TSPAN11: variants seen among roughly 807,000 people sequenced by gnomAD.
TSPAN11 encodes the protein tetraspanin 11.
A neutral mutation model predicts 32.9 loss-of-function variants in TSPAN11; 29 were observed. The observed-to-expected ratio is 0.88, with a 90% confidence interval of 0.66 to 1.20. The LOEUF (loss-of-function observed/expected upper bound fraction) is 1.20, where lower values mean the gene tolerates loss of function less well. Ranked by LOEUF, TSPAN11 falls within the 50% of genes most tolerant of loss-of-function variation. TSPAN11 has a pLI of 0.00. For synonymous variants in TSPAN11, 140 were observed against 141.3 expected (o/e 0.99, Z 0.07); for missense variants, 283 against 329.1 (o/e 0.86, Z 1.08).
At chr12:30,945,787 A>G (rs2140278545) in intron 1 of TSPAN11, among the ~76,000 whole-genome samples, 1 of 151,902 alleles carries the variant, frequency 6.6e-6, no homozygotes, top group East Asian at 1.9e-4. Flanking sequence ...CTCACCATCA[A>G]GGCATTTGCG....
At chr12:30,981,267 G>A (rs1939086347) in intron 5 of TSPAN11, among the ~76,000 whole-genome samples, 1 of 152,226 alleles carries the variant, frequency 6.6e-6, no homozygotes, top group African/African-American at 2.4e-5. Context: ...CCAGCACCCG[G>A]CCCTCCAGCA....
intron 1 of TSPAN11, among the ~76,000 whole-genome samples, chr12:30,940,127 T>G (rs541973046): frequency 3.3e-5 from 5 of 152,316 alleles, no homozygotes; most frequent in African/African-American, 1.2e-4. Flanking sequence ...CAGAAATGCA[T>G]CCTGCACGTT....
chr12:30,933,547 C>T (rs1240415081), intron 1 of TSPAN11, among the ~76,000 whole-genome samples: 1 of 152,168 alleles, frequency 6.6e-6, no homozygotes, highest in Non-Finnish European at 1.5e-5. Context: ...CTACCTCTGC[C>T]CAGGATGGTG....
chr12:30,991,845 C>G lies in TSPAN11; in HGVS notation c.703-11C>G. On this transcript the variant is annotated splice_polypyrimidine_tract_variant and intron_variant, in intron 7 of 7. Coordinates refer to ENST00000546076, the MANE Select transcript of TSPAN11 (RefSeq NM_001370302.1). ...ATTTCTCTTTGCTCCTCTGCTCTCT[C>G]CACCTGGCAGATCTGCGGGATGGTT... The G allele has an allele frequency of 6.2e-7, 1 of 1,614,188 alleles. No individual in the cohort carries two copies. The highest frequency in any genetic ancestry group is 8.5e-7 in the Non-Finnish European group (1 of 1,180,024).
chr12:31,011,887 G>A, the TSPAN11 span, among the ~76,000 whole-genome samples: 17 of 152,178 alleles, frequency 1.1e-4, no homozygotes, highest in Non-Finnish European at 2.5e-4. Context: ...TTTTTCAGTT[G>A]CCCTGGTCAG....
At chr12:30,991,561 T>C (rs967852496) in intron 7 of TSPAN11, among the ~76,000 whole-genome samples, 4 of 152,158 alleles carry the variant, frequency 2.6e-5, no homozygotes, top group African/African-American at 4.8e-5. Context: ...GCCTGAAGAA[T>C]TGTAATAAGG....
At chr12:31,016,175 A>G in the TSPAN11 span, among the ~76,000 whole-genome samples, 59 of 152,342 alleles carry the variant, frequency 3.9e-4, no homozygotes, top group Non-Finnish European at 5.3e-4. Flanking sequence ...ATATTGTATG[A>G]GTCCACTTAT....
rs1938473787 is a variant in TSPAN11 at position 30,956,141 on chromosome 12, TA to T, written c.84+2071del. Among the ~76,000 whole-genome samples, 3 of 152,186 alleles carry T rather than the reference TA, an allele frequency of 2.0e-5. No homozygotes were observed. The South Asian group carries it at 6.2e-4, about 31-fold the overall frequency. Reference sequence around the variant, plus strand: ...AATTGTCAAGATTGGGTCCTTAACCTAAAAAGGCATCTGGGACATGTGGATG... The same window carrying T: ...AATTGTCAAGATTGGGTCCTTAACCTAAAAGGCATCTGGGACATGTGGATG... On this transcript the variant is annotated intron_variant, in intron 2 of 7. Transcript: ENST00000546076.
chr12:30,979,219 T>C (rs1034945506), intron 4 of TSPAN11, among the ~76,000 whole-genome samples: 10 of 152,192 alleles, frequency 6.6e-5, no homozygotes, highest in African/African-American at 2.4e-4. Context: ...ATGATCACAG[T>C]TAAGATCAAC....
chr12:31,003,873 C>A, the TSPAN11 span, among the ~76,000 whole-genome samples: 1 of 152,182 alleles, frequency 6.6e-6, no homozygotes, highest in Non-Finnish European at 1.5e-5. Context: ...ACCCTAAGAC[C>A]AGCCTACTCC....
At chr12:30,933,447 A>T (rs143717927) in intron 1 of TSPAN11, among the ~76,000 whole-genome samples, 2 of 126,354 alleles carry the variant, frequency 1.6e-5, no homozygotes, top group African/African-American at 5.0e-5. Flanking sequence ...CCCTAAACCA[A>T]ACATCAGAGA....
chr12:30,992,798 A>C lies in TSPAN11; in HGVS notation c.*883A>C, dbSNP rs1388468872. The C allele has an allele frequency of 6.6e-6, 1 of 152,262 alleles. No individual in the cohort carries two copies. The highest frequency in any genetic ancestry group is 1.5e-5 in the Non-Finnish European group (1 of 68,078). The allele number at this position is 152,262 out of a possible 1,614,324, so 9.4% of individuals were successfully genotyped here. On this transcript the variant is annotated 3_prime_UTR_variant, in exon 8 of 8. Transcript: ENST00000546076. ...GGAGTGGACCAACTCGCAACCCTGC[A>C]AAGTCGGAGCTGCTGAGAAGGGGCA... is the stretch of plus-strand genomic sequence containing the variant.
chr12:30,927,428 C>T (rs1411365308), intron 1 of TSPAN11, among the ~76,000 whole-genome samples: 1 of 152,216 alleles, frequency 6.6e-6, no homozygotes, highest in Non-Finnish European at 1.5e-5. Flanking sequence ...GCCATATGTG[C>T]AGTGTGCACA....
At chr12:30,956,168 G>T (rs914269138) in intron 2 of TSPAN11, among the ~76,000 whole-genome samples, 2 of 152,236 alleles carry the variant, frequency 1.3e-5, no homozygotes, top group Non-Finnish European at 2.9e-5. Context: ...CATGTGGATG[G>T]TGGATGGTAG....
chr12:30,973,161 G>A (rs1938888046), intron 3 of TSPAN11, among the ~76,000 whole-genome samples: 1 of 152,172 alleles, frequency 6.6e-6, no homozygotes, highest in Non-Finnish European at 1.5e-5. Context: ...TGGAACTCCT[G>A]GGTTCTGTTC....
At chr12:31,007,409 C>A in the TSPAN11 span, among the ~76,000 whole-genome samples, 3 of 151,888 alleles carry the variant, frequency 2.0e-5, no homozygotes, top group Non-Finnish European at 2.9e-5. Flanking sequence ...CCAAATTACT[C>A]CCCTTTCAGT....
rs1444359804 is a variant in TSPAN11 at position 30,995,859 on chromosome 12, CA to C, written c.*3946del. 6.6e-6 allele frequency: 1 copy of C among 152,210 alleles called. No individual in the cohort carries two copies. Among genetic ancestry groups the C allele is most frequent in the Admixed American group, 6.5e-5 (1 of 15,284 alleles). 9.4% of individuals were successfully genotyped at this position (152,210 alleles called of 1,614,324 possible). A position where few individuals can be genotyped will look rare whatever the true frequency, so the allele number is the denominator to read the frequency against. On this transcript the variant is annotated 3_prime_UTR_variant, in exon 8 of 8. Transcript: ENST00000546076. ...CAAGACCAATCATTTGCATTTCTGA[CA>C]AGTTCCCAGGAGCTGCAGCTGCTGG... is the stretch of plus-strand genomic sequence containing the variant.
intron 2 of TSPAN11, among the ~76,000 whole-genome samples, chr12:30,956,972 T>C (rs1022710648): frequency 6.6e-6 from 1 of 152,200 alleles, no homozygotes; most frequent in Admixed American, 6.5e-5. Context: ...CGGGGATACA[T>C]GGGGCTAAGA....
Position 30,975,565 on chromosome 12 carries a change from A to G in TSPAN11, c.277-2996A>G, listed in dbSNP as rs147454151. ...ATAGCCTGTTTGATGCCTCTGAACC[A>G]GCCTGTGCAGGGGTAGCATGTACTA... On this transcript the variant is annotated intron_variant, in intron 3 of 7. Coordinates refer to ENST00000546076, the MANE Select transcript of TSPAN11 (RefSeq NM_001370302.1). This position sits in a 1 kb window ranked among gnomAD's most constrained non-coding sequence, Gnocchi z 4.5. Among the ~76,000 whole-genome samples the G allele has an allele frequency of 1.1e-3, 165 of 152,224 alleles. No homozygotes were observed. In the Middle Eastern group the frequency reaches 0.02, roughly 19 times the overall value.
Sources: gnomAD v4.1 joint callset for allele counts (sites outside exome capture counted in the v4.1 genomes callset) on GRCh38, gnomAD v4.1.1 for gene constraint, Gnocchi (gnomAD v3.1) non-coding constraint, MANE v1.5 for transcripts, NCBI Gene and HGNC (gene_info 2026-07-23, HGNC 2026-07-21) for gene names.